WDPCP: variants seen among roughly 807,000 people sequenced by gnomAD.
WDPCP encodes the protein WD repeat containing planar cell polarity effector.
Under a neutral mutation model 93.1 loss-of-function variants are expected in WDPCP, and 71 were observed. The observed-to-expected ratio is 0.76, with a 90% CI of 0.63 to 0.93. WDPCP has a LOEUF of 0.93. Among genes scored for constraint, WDPCP ranks in the 40% least tolerant of loss-of-function variants. WDPCP has a pLI of 0.00. For synonymous variants in WDPCP, 315 were observed against 315.0 expected, an observed-to-expected ratio of 1.00 and a Z score of 0.00; for missense variants, 844 against 887.4, an observed-to-expected ratio of 0.95 and a Z score of 0.62.
chr2:63,222,430 G>T (rs1422446200), intron 14 of WDPCP, among the ~76,000 whole-genome samples: 1 of 152,176 alleles, frequency 6.6e-6, no homozygotes, highest in Non-Finnish European at 1.5e-5. Flanking sequence ...GGGAGCAAGG[G>T]CCTCTGGCTT....
intron 10 of WDPCP, among the ~76,000 whole-genome samples, chr2:63,401,927 G>A (rs1356154893): frequency 6.6e-6 from 1 of 152,072 alleles, no homozygotes; most frequent in Non-Finnish European, 1.5e-5. Flanking sequence ...ATTCCTCAAG[G>A]ATCTAGAACC....
At chr2:63,269,543 AG>A (rs1468383097) in intron 13 of WDPCP, among the ~76,000 whole-genome samples, 1 of 152,192 alleles carries the variant, frequency 6.6e-6, no homozygotes, top group Non-Finnish European at 1.5e-5. Flanking sequence ...CAGCAAAAAA[AG>A]CATTTAAAGC....
At chr2:63,391,658 ATCT>A (rs1422985374) in intron 10 of WDPCP, among the ~76,000 whole-genome samples, 1 of 152,182 alleles carries the variant, frequency 6.6e-6, no homozygotes, top group Non-Finnish European at 1.5e-5. Context: ...TCAGCTCAAA[ATCT>A]TCTTAAGCTG....
intron 2 of WDPCP, chr2:63,684,362 T>C (rs879136883): frequency 7.1e-6 from 5 of 707,444 alleles, no homozygotes; most frequent in Non-Finnish European, 1.0e-5. Flanking sequence ...GACACTACTC[T>C]GGACGCAAAG....
upstream of WDPCP, among the ~76,000 whole-genome samples, chr2:63,592,086 T>C (rs1047905417): frequency 6.6e-6 from 1 of 152,204 alleles, no homozygotes; most frequent in Admixed American, 6.5e-5. Flanking sequence ...AGAAAATTGG[T>C]GTATCCTTTT....
chr2:63,649,015 T>G (rs146976513), intron 3 of WDPCP, among the ~76,000 whole-genome samples: 6 of 152,234 alleles, frequency 3.9e-5, no homozygotes, highest in African/African-American at 1.2e-4. Flanking sequence ...TTTTTTTTCT[T>G]TGATAGCATT....
At chr2:63,147,894 G>A (rs539613218) in intron 17 of WDPCP, among the ~76,000 whole-genome samples, 1 of 151,060 alleles carries the variant, frequency 6.6e-6, no homozygotes, top group African/African-American at 2.4e-5. Flanking sequence ...GCTTGAACCC[G>A]GAGGCAGAGG....
At chr2:63,607,018 G>A in intron 3 of WDPCP, 1 of 1,587,714 alleles carries the variant, frequency 6.3e-7, no homozygotes, top group South Asian at 1.2e-5. Context: ...ATGCTTCAAA[G>A]CTGAAGAATC....
chr2:63,702,390 T>C (rs1465644005), intron 2 of WDPCP, among the ~76,000 whole-genome samples: 1 of 152,192 alleles, frequency 6.6e-6, no homozygotes, highest in African/African-American at 2.4e-5. Flanking sequence ...AAATTATATA[T>C]ACCCTGAAAA....
At chr2:63,425,239 G>C (rs369564840) in intron 9 of WDPCP, among the ~76,000 whole-genome samples, 1 of 152,252 alleles carries the variant, frequency 6.6e-6, no homozygotes, top group South Asian at 2.1e-4. Context: ...CCCATTCAAC[G>C]ACAGCAAATC....
intron 17 of WDPCP, among the ~76,000 whole-genome samples, chr2:63,128,446 TCTTTCCTTTCC>T (rs1670066926): frequency 6.6e-6 from 1 of 152,196 alleles, no homozygotes; most frequent in Non-Finnish European, 1.5e-5. Context: ...TGGTTTCATT[TCTTTCCTTTCC>T]CTTTCCTTTA....
chr2:63,621,553 T>A (rs546880522), intron 3 of WDPCP, among the ~76,000 whole-genome samples: 2 of 152,292 alleles, frequency 1.3e-5, no homozygotes, highest in South Asian at 4.2e-4. Flanking sequence ...GTTTGATTGG[T>A]GTACCTGAAA....
intron 6 of WDPCP, among the ~76,000 whole-genome samples, chr2:63,462,689 A>G (rs1699099484): frequency 6.6e-6 from 1 of 152,124 alleles, no homozygotes; most frequent in Non-Finnish European, 1.5e-5. Context: ...AGGTGAGAGA[A>G]ATTTAGAAAC....
intron 3 of WDPCP, among the ~76,000 whole-genome samples, chr2:63,626,390 A>C (rs961626772): frequency 6.6e-6 from 1 of 152,232 alleles, no homozygotes; most frequent in Admixed American, 6.5e-5. Context: ...TTATCATTAG[A>C]GTGAACAGGC....
At chr2:63,805,829 GTAAT>G (rs1670755942) in intron 2 of WDPCP, among the ~76,000 whole-genome samples, 1 of 152,194 alleles carries the variant, frequency 6.6e-6, no homozygotes, top group African/African-American at 2.4e-5. Flanking sequence ...ATGTTAAAAT[GTAAT>G]CCCTGGCTGG....
At chr2:63,177,169 T>A (rs527585780) in intron 14 of WDPCP, among the ~76,000 whole-genome samples, 15 of 152,356 alleles carry the variant, frequency 9.8e-5, no homozygotes, top group African/African-American at 2.6e-4. Context: ...AGCCTTGTAA[T>A]ATGTTTTGAA....
At chr2:63,695,643 AT>A (rs553219143) in intron 2 of WDPCP, among the ~76,000 whole-genome samples, 76 of 152,186 alleles carry the variant, frequency 5.0e-4, no homozygotes, top group African/African-American at 1.8e-3. Flanking sequence ...TCCTACTTAA[AT>A]TTTTTTAATA....
At chr2:63,492,005 T>C (rs62179362) in intron 2 of WDPCP, among the ~76,000 whole-genome samples, 2 of 152,198 alleles carry the variant, frequency 1.3e-5, no homozygotes, top group Non-Finnish European at 2.9e-5. Flanking sequence ...AGAAGAGTTT[T>C]AGGAGGGAGC....
At chr2:63,483,166 G>C (rs1313163403) in intron 6 of WDPCP, among the ~76,000 whole-genome samples, 1 of 151,906 alleles carries the variant, frequency 6.6e-6, no homozygotes, top group African/African-American at 2.4e-5. Context: ...GGTAAGGGTG[G>C]AGGCCATGAG....
Sources: allele counts gnomAD v4.1 joint callset (sites outside exome capture counted in the v4.1 genomes callset), GRCh38; gene constraint gnomAD v4.1.1; transcripts MANE v1.5; gene names NCBI Gene and HGNC (gene_info 2026-07-23, HGNC 2026-07-21).